EDA: variants seen among roughly 807,000 people sequenced by gnomAD.
The protein encoded by EDA is ectodysplasin A, also known as ectodysplasin-A.
In EDA, 2 loss-of-function variants were observed where a neutral mutation model predicts 23.6. The ratio of observed to expected loss-of-function variants is 0.08; its 90% confidence interval spans 0.03 to 0.27. The LOEUF (loss-of-function observed/expected upper bound fraction) is 0.27. EDA is among the 10% of genes least tolerant of loss of function. The pLI, the probability that EDA is intolerant of heterozygous loss-of-function variation, is 1.00. For missense variants in EDA, 229 were observed against 324.2 expected, an observed-to-expected ratio of 0.71 and a Z score of 2.26; for synonymous variants, 131 against 132.0, an observed-to-expected ratio of 0.99 and a Z score of 0.05.
chrX:69,632,750 G>T (rs1013431627), intron 1 of EDA, among the ~76,000 whole-genome samples: 12 of 111,609 alleles, frequency 1.1e-4, no homozygotes, highest in African/African-American at 3.9e-4. Flanking sequence ...TACTCCATTT[G>T]CCCCCACTCT....
intron 1 of EDA, among the ~76,000 whole-genome samples, chrX:69,646,144 G>GA (rs1172023336): frequency 1.8e-5 from 2 of 111,581 alleles, no homozygotes; most frequent in African/African-American, 6.5e-5. Context: ...ATGTGATGAT[G>GA]AGAAGAATGT....
At chrX:69,852,674 G>T (rs2017162476) in intron 1 of EDA, among the ~76,000 whole-genome samples, 1 of 111,235 alleles carries the variant, frequency 9.0e-6, no homozygotes, top group Non-Finnish European at 1.9e-5. Context: ...TTTCCAAAGG[G>T]TCACAGGCAT....
chrX:69,633,928 G>A (rs1326306914), intron 1 of EDA, among the ~76,000 whole-genome samples: 1 of 111,978 alleles, frequency 8.9e-6, no homozygotes, highest in Admixed American at 9.4e-5. Flanking sequence ...AACTTATTGA[G>A]GAACCACCAA....
At chrX:69,943,357 A>G (rs953591977) in intron 1 of EDA, among the ~76,000 whole-genome samples, 42 of 111,453 alleles carry the variant, frequency 3.8e-4, no homozygotes, top group African/African-American at 1.3e-3. Context: ...GAGTGTTGTG[A>G]TCTAAGTCTT....
chrX:69,639,771 G>A (rs1392167678), intron 1 of EDA, among the ~76,000 whole-genome samples: 1 of 111,570 alleles, frequency 9.0e-6, no homozygotes, highest in Non-Finnish European at 1.9e-5. Context: ...TATTAATGTA[G>A]TCCAATTTAT....
At chrX:69,719,065 A>G (rs2012463410) in intron 1 of EDA, among the ~76,000 whole-genome samples, 1 of 111,425 alleles carries the variant, frequency 9.0e-6, no homozygotes, top group South Asian at 3.7e-4. Context: ...ATTTCTTCTC[A>G]GTTATCAAAT....
chrX:69,942,425 C>G (rs897987854), intron 1 of EDA, among the ~76,000 whole-genome samples: 10 of 111,288 alleles, frequency 9.0e-5, no homozygotes, highest in Non-Finnish European at 1.7e-4. Context: ...GTCTTTATCT[C>G]TCCTTCATGT....
intron 2 of EDA, among the ~76,000 whole-genome samples, chrX:69,961,165 G>T (rs913402805): frequency 8.9e-6 from 1 of 111,864 alleles, no homozygotes; most frequent in African/African-American, 3.2e-5. Flanking sequence ...AGTAGAGACT[G>T]GGTTTCACTA....
intron 1 of EDA, among the ~76,000 whole-genome samples, chrX:69,655,608 A>T (rs1933283027): frequency 9.4e-6 from 1 of 106,008 alleles, no homozygotes; most frequent in Admixed American, 1.0e-4. Flanking sequence ...CCTTTTTAGC[A>T]TGATAATACC....
chrX:69,691,387 G>GC, intron 1 of EDA, among the ~76,000 whole-genome samples: 1 of 111,762 alleles, frequency 8.9e-6, no homozygotes, highest in African/African-American at 3.2e-5. Context: ...TTCTTCAGTA[G>GC]CCAGCTTTAA....
chrX:69,779,756 C>T (rs758839492), intron 1 of EDA, among the ~76,000 whole-genome samples: 4 of 111,432 alleles, frequency 3.6e-5, no homozygotes, highest in Non-Finnish European at 7.6e-5. Context: ...AACAAACAAA[C>T]AAAACGAACA....
intron 1 of EDA, among the ~76,000 whole-genome samples, chrX:69,923,883 A>G (rs1249947519): frequency 9.0e-6 from 1 of 111,614 alleles, no homozygotes; most frequent in Non-Finnish European, 1.9e-5. Context: ...ATGAGATCGT[A>G]TCTCATTGTG....
chrX:69,810,021 G>A (rs760889207), intron 1 of EDA, among the ~76,000 whole-genome samples: 3 of 108,836 alleles, frequency 2.8e-5, no homozygotes, highest in African/African-American at 1.0e-4. Flanking sequence ...CAGCACTTTG[G>A]GGGGCTGAGG....
chrX:69,758,459 A>G (rs999256257), intron 1 of EDA, among the ~76,000 whole-genome samples: 1 of 112,279 alleles, frequency 8.9e-6, no homozygotes, highest in Non-Finnish European at 1.9e-5. Context: ...TTCCTCTTCA[A>G]TTGCCCTGAT....
At chrX:69,764,075 G>A (rs748735708) in intron 1 of EDA, among the ~76,000 whole-genome samples, 75 of 107,856 alleles carry the variant, frequency 7.0e-4, no homozygotes, top group Non-Finnish European at 1.1e-3. Context: ...GCTGAGGAGG[G>A]GATAATTAGA....
chrX:69,654,835 A>G (rs1260978390), intron 1 of EDA, among the ~76,000 whole-genome samples: 47 of 108,477 alleles, frequency 4.3e-4, no homozygotes, highest in Non-Finnish European at 8.2e-4. Flanking sequence ...ATTAGGAGAT[A>G]TACCTAATGC....
chrX:69,678,212 T>A (rs1602282821), intron 1 of EDA, among the ~76,000 whole-genome samples: 2 of 110,379 alleles, frequency 1.8e-5, no homozygotes, highest in Admixed American at 1.9e-4. Flanking sequence ...CCATGCTGTT[T>A]TGGTTACTGT....
intron 2 of EDA, among the ~76,000 whole-genome samples, chrX:69,988,751 G>A (rs1473250064): frequency 9.0e-6 from 1 of 110,722 alleles, no homozygotes; most frequent in Non-Finnish European, 1.9e-5. Context: ...AGCTGTTCAG[G>A]AGGCTGAGGC....
chrX:69,831,370 T>A (rs1037495025), intron 1 of EDA, among the ~76,000 whole-genome samples: 2 of 112,380 alleles, frequency 1.8e-5, no homozygotes, highest in East Asian at 2.8e-4. Flanking sequence ...TCCATGTCCC[T>A]GCAAAGGATT....
Sources: allele counts gnomAD v4.1 joint callset (sites outside exome capture counted in the v4.1 genomes callset), GRCh38; gene constraint gnomAD v4.1.1; transcripts MANE v1.5; gene names NCBI Gene and HGNC (gene_info 2026-07-23, HGNC 2026-07-21).